Variants in SLC23A2 observed in about 807,000 individuals in gnomAD.
SLC23A2 encodes the protein Na(+)/L-ascorbic acid transporter 2.
In SLC23A2, 36 loss-of-function variants were observed where a neutral mutation model predicts 73.3. That is an observed-to-expected ratio of 0.49 (90% CI 0.38 to 0.65). SLC23A2 has a LOEUF of 0.65. Ranked by LOEUF, SLC23A2 falls within the 30% of genes least tolerant of loss-of-function variation. SLC23A2 has a pLI of 0.00. For missense variants in SLC23A2, 507 were observed against 841.6 expected, an observed-to-expected ratio of 0.60 and a Z score of 4.92; for synonymous variants, 343 against 327.3, an observed-to-expected ratio of 1.05 and a Z score of -0.52.
intron 6 of SLC23A2, among the ~76,000 whole-genome samples, chr20:4,897,840 G>T (rs1240034454): frequency 6.6e-6 from 1 of 152,190 alleles, no homozygotes; most frequent in African/African-American, 2.4e-5. Context: ...AATAAACACA[G>T]CTTTCATCCC....
At chr20:4,967,513 A>G (rs2087491964) in intron 2 of SLC23A2, among the ~76,000 whole-genome samples, 1 of 152,224 alleles carries the variant, frequency 6.6e-6, no homozygotes. Flanking sequence ...CAGTGTTTAC[A>G]TAGGTTTGTG....
In SLC23A2 at chr20:4,947,159, C is replaced by A. The variant is rs1263355619; in HGVS notation, c.-154-14443G>T. 6.6e-6 allele frequency among the ~76,000 whole-genome samples: 1 copy of A among 152,134 alleles called. No individual in the cohort carries two copies. Among genetic ancestry groups the A allele is most frequent in the Admixed American group, 6.5e-5 (1 of 15,272 alleles). ...TCTTCTGTGTTTCCATGGTTCCCAG[C>A]TTCCTGTCCGCTCCCCACCAGAATG... is the stretch of plus-strand genomic sequence containing the variant. On this transcript the variant is annotated intron_variant, in intron 2 of 16. Coordinates refer to ENST00000338244, the MANE Select transcript of SLC23A2 (RefSeq NM_005116.6). The surrounding 1 kb of genome is among the most constrained non-coding windows in gnomAD (Gnocchi z 4.4).
intron 1 of SLC23A2, among the ~76,000 whole-genome samples, chr20:5,007,649 G>T (rs145537267): frequency 1.2e-3 from 179 of 152,164 alleles, no homozygotes; most frequent in African/African-American, 3.6e-3. Context: ...ACTCCTAAAA[G>T]AAACTCCATA....
intron 2 of SLC23A2, among the ~76,000 whole-genome samples, chr20:4,954,445 C>T (rs1206332316): frequency 6.6e-6 from 1 of 151,944 alleles, no homozygotes; most frequent in Non-Finnish European, 1.5e-5. Flanking sequence ...GCCTGTAATC[C>T]CAGCACTTTA....
chr20:4,958,944 C>T (rs538158380), intron 2 of SLC23A2, among the ~76,000 whole-genome samples: 5 of 152,092 alleles, frequency 3.3e-5, no homozygotes, highest in Non-Finnish European at 5.9e-5. Context: ...GGTGTGGTGG[C>T]TCATGCCTGT....
At chr20:4,992,503 GTTTTTTTT>G (rs140932210) in intron 1 of SLC23A2, among the ~76,000 whole-genome samples, 56 of 95,746 alleles carry the variant, frequency 5.8e-4, no homozygotes, top group African/African-American at 2.2e-3. Context: ...AAGATTGACA[GTTTTTTTT>G]TTTTTTTTTT....
chr20:4,913,808 G>A (rs1207760991), intron 3 of SLC23A2, among the ~76,000 whole-genome samples: 1 of 151,880 alleles, frequency 6.6e-6, no homozygotes, highest in African/African-American at 2.4e-5. Flanking sequence ...TATATTATTA[G>A]TAGAGACGGG....
intron 2 of SLC23A2, among the ~76,000 whole-genome samples, chr20:4,946,690 A>C (rs2122975512): frequency 6.6e-6 from 1 of 152,292 alleles, no homozygotes; most frequent in South Asian, 2.1e-4. Flanking sequence ...GTCCAGCCTG[A>C]GACACGTCAT....
intron 1 of SLC23A2, among the ~76,000 whole-genome samples, chr20:4,975,236 C>T (rs1448394877): frequency 6.6e-6 from 1 of 152,118 alleles, no homozygotes; most frequent in African/African-American, 2.4e-5. Context: ...AAAAGCTTCC[C>T]AATTCCTTCT....
intron 2 of SLC23A2, among the ~76,000 whole-genome samples, chr20:4,952,965 G>A (rs1320149607): frequency 1.3e-5 from 2 of 151,774 alleles, no homozygotes; most frequent in Non-Finnish European, 2.9e-5. Context: ...GAAGGTTGCA[G>A]GGAGCCGAAA....
intron 1 of SLC23A2, among the ~76,000 whole-genome samples, chr20:5,009,205 G>A (rs912036619): frequency 1.3e-5 from 2 of 152,086 alleles, no homozygotes; most frequent in Non-Finnish European, 2.9e-5. Context: ...TTCTCTGACT[G>A]TATTTTTTTC....
At position 4,906,412 on chromosome 20, in the gene SLC23A2, G is replaced by GGTCA. The variant is rs555784012; in HGVS notation, c.208-3858_208-3855dup. Among the ~76,000 whole-genome samples the GGTCA allele has an allele frequency of 2.6e-3, 402 of 152,114 alleles. 1 individual carries two copies. Among genetic ancestry groups the GGTCA allele is most frequent in the Non-Finnish European group, 3.7e-3 (251 of 68,020 alleles). Reference sequence around the variant, plus strand: ...AGGCCAAGGCAGGCCAATCACTTGAGGTCAGCCTGGCCAACATGGTGAAAC... The same window carrying GGTCA: ...AGGCCAAGGCAGGCCAATCACTTGAGGTCAGTCAGCCTGGCCAACATGGTGAAAC... On this transcript the variant is annotated intron_variant, in intron 4 of 16. Coordinates refer to ENST00000338244, the MANE Select transcript of SLC23A2 (RefSeq NM_005116.6).
At chr20:4,923,144 T>C (rs570068505) in intron 3 of SLC23A2, among the ~76,000 whole-genome samples, 1 of 151,694 alleles carries the variant, frequency 6.6e-6, no homozygotes, top group Non-Finnish European at 1.5e-5. Context: ...TGGTGGCTTA[T>C]GCCTGTAATC....
chr20:4,956,636 G>T lies in SLC23A2; in HGVS notation c.-155+14157C>A, dbSNP rs187112260. On this transcript the variant is annotated intron_variant, in intron 2 of 16. Coordinates refer to ENST00000338244, the MANE Select transcript of SLC23A2 (RefSeq NM_005116.6). ...CTCTGTGGGCCCTTCTCTGCCATTC[G>T]ATTAGTAATTCAACTAATAAAATCC... 4.3e-4 allele frequency among the ~76,000 whole-genome samples: 66 copies of T among 152,022 alleles called. 1 individual carries two copies. Among genetic ancestry groups the T allele is most frequent in the African/African-American group, 1.5e-3 (63 of 41,456 alleles).
chr20:4,994,705 G>A lies in SLC23A2; in HGVS notation c.-282+6701C>T, dbSNP rs905181341. 2.6e-5 allele frequency among the ~76,000 whole-genome samples: 4 copies of A among 152,068 alleles called. No individual in the cohort carries two copies. In the East Asian group the frequency reaches 5.8e-4, roughly 22 times the overall value. On this transcript the variant is annotated intron_variant, in intron 1 of 16. Coordinates refer to ENST00000338244, the MANE Select transcript of SLC23A2 (RefSeq NM_005116.6). ...GAACCCATGAGGCGGAGGTTTCAGT[G>A]AGCCGATATCGCACCACTGCACTCC...
chr20:4,982,684 T>C (rs760825031), intron 1 of SLC23A2, among the ~76,000 whole-genome samples: 12 of 152,208 alleles, frequency 7.9e-5, no homozygotes, highest in Non-Finnish European at 1.5e-4. Flanking sequence ...GGTAGCCATA[T>C]AGATTAACAG....
chr20:4,865,322 AG>A lies in SLC23A2; in HGVS notation c.1357-2416del, dbSNP rs199610167. 9.9e-4 allele frequency among the ~76,000 whole-genome samples: 151 copies of A among 152,338 alleles called. 2 individuals carry two copies. In the East Asian group the frequency reaches 0.029, roughly 29 times the overall value. ...TTGCTCTGTTCCTAGAAATAAACTA[AG>A]GGGTAAATAGCAATAATGATAATAA... On this transcript the variant is annotated intron_variant, in intron 13 of 16. Coordinates refer to ENST00000338244, the MANE Select transcript of SLC23A2 (RefSeq NM_005116.6).
upstream of SLC23A2, among the ~76,000 whole-genome samples, chr20:5,004,560 T>G (rs997065376): frequency 6.6e-6 from 1 of 152,188 alleles, no homozygotes; most frequent in African/African-American, 2.4e-5. Flanking sequence ...AAAGGATAAT[T>G]GGAGACCAGG....
chr20:4,924,358 A>T (rs1932600464), intron 3 of SLC23A2, among the ~76,000 whole-genome samples: 1 of 151,904 alleles, frequency 6.6e-6, no homozygotes, highest in African/African-American at 2.4e-5. Flanking sequence ...TCTCTTTCTG[A>T]AGGGACTTGC....
Sources: gnomAD v4.1 joint callset for allele counts (sites outside exome capture counted in the v4.1 genomes callset) on GRCh38, gnomAD v4.1.1 for gene constraint, Gnocchi (gnomAD v3.1) non-coding constraint, MANE v1.5 for transcripts, NCBI Gene and HGNC (gene_info 2026-07-23, HGNC 2026-07-21) for gene names.